The following DENND1A variants were observed in gnomAD, a reference collection of about 807,000 sequenced individuals.
The protein encoded by DENND1A is DENN domain-containing protein 1A.
In DENND1A, 51 loss-of-function variants were observed where a neutral mutation model predicts 113.7. The ratio of observed to expected loss-of-function variants is 0.45; its 90% confidence interval spans 0.36 to 0.57. The LOEUF (loss-of-function observed/expected upper bound fraction) is 0.57. Among genes scored for constraint, DENND1A ranks in the 20% least tolerant of loss-of-function variants. The pLI is 0.00. For missense variants in DENND1A, 1,258 were observed against 1,395.9 expected (o/e 0.90, Z 1.57); for synonymous variants, 565 against 570.8 (o/e 0.99, Z 0.14).
intron 21 of DENND1A, among the ~76,000 whole-genome samples, 171 bp from the exon 22 acceptor site, chr9:123,388,029 C>G (rs560200059): frequency 1.1e-4 from 16 of 152,328 alleles, no homozygotes; most frequent in African/African-American, 3.8e-4. Flanking sequence ...AGAAAAGAAA[C>G]TAAATTTGCC....
intron 8 of DENND1A, among the ~76,000 whole-genome samples, chr9:123,666,702 T>A (rs1413006926): frequency 6.6e-6 from 1 of 152,168 alleles, no homozygotes; most frequent in African/African-American, 2.4e-5. Context: ...GGAAAAGATG[T>A]TTTTATAATA....
At chr9:123,862,261 C>T (rs189326529) in intron 2 of DENND1A, among the ~76,000 whole-genome samples, 3 of 152,206 alleles carry the variant, frequency 2.0e-5, no homozygotes, top group Non-Finnish European at 2.9e-5. Flanking sequence ...TTAGCAGGAA[C>T]ATTTTATGTT....
chr9:123,602,067 C>T (rs2059954979), intron 11 of DENND1A, among the ~76,000 whole-genome samples: 1 of 152,198 alleles, frequency 6.6e-6, no homozygotes, highest in Non-Finnish European at 1.5e-5. Context: ...CAGCTGAAGG[C>T]CTGGGTACAA....
At chr9:123,784,601 A>G (rs963847738) in intron 3 of DENND1A, among the ~76,000 whole-genome samples, 2 of 152,214 alleles carry the variant, frequency 1.3e-5, no homozygotes, top group African/African-American at 4.8e-5. Context: ...AAACAAGACC[A>G]TCCAATAGTA....
At position 123,750,994 on chromosome 9, in the gene DENND1A, C is replaced by A. The variant is rs772403973; in HGVS notation, c.302+6709G>T. The stretch of plus-strand genomic sequence containing the variant: ...AGCCTTCCTCCCCGACTCCCTCCCC[C>A]ACCTCCCAAACACTTATTTTAAACT... On this transcript the variant is annotated intron_variant, in intron 5 of 23. Coordinates refer to ENST00000394215, the MANE Select transcript of DENND1A (RefSeq NM_001352964.2). 5.3e-5 allele frequency among the ~76,000 whole-genome samples: 8 copies of A among 152,290 alleles called. No individual in the cohort carries two copies. The South Asian group carries it at 1.4e-3, about 28-fold the overall frequency.
At chr9:123,384,061 G>A in intron 22 of DENND1A, 148 bp from the exon 23 acceptor site, 4 of 1,097,042 alleles carry the variant, frequency 3.6e-6, no homozygotes, top group Non-Finnish European at 5.1e-6. Context: ...GTGAGGGCAG[G>A]AGTCTGGGAG....
chr9:123,613,738 A>T (rs892832632), intron 10 of DENND1A, among the ~76,000 whole-genome samples: 2 of 152,234 alleles, frequency 1.3e-5, no homozygotes, highest in African/African-American at 4.8e-5. Flanking sequence ...TTATAACCAA[A>T]CTTATGCATA....
At chr9:123,851,137 C>A (rs992664725) in intron 2 of DENND1A, among the ~76,000 whole-genome samples, 2 of 152,182 alleles carry the variant, frequency 1.3e-5, no homozygotes, top group Non-Finnish European at 2.9e-5. Context: ...AATCAATCAA[C>A]CCCAAAAGTT....
chr9:123,575,066 G>A (rs146584830), intron 12 of DENND1A, among the ~76,000 whole-genome samples: 40 of 152,308 alleles, frequency 2.6e-4, no homozygotes, highest in African/African-American at 7.5e-4. Flanking sequence ...ATGCTGGTCA[G>A]ATATTTTGTA....
At chr9:123,649,642 G>A (rs145103747) in intron 9 of DENND1A, among the ~76,000 whole-genome samples, 411 of 152,098 alleles carry the variant, frequency 2.7e-3, no homozygotes, top group Middle Eastern at 0.01. Flanking sequence ...ATATTTCTTC[G>A]GGAGTCAACT....
In DENND1A at chr9:123,557,654, G is replaced by A. The variant is rs747041692; in HGVS notation, c.909C>T (p.Thr303=). The A allele has an allele frequency of 6.2e-7, 1 of 1,614,100 alleles. No homozygotes were observed. The highest frequency in any genetic ancestry group is 1.1e-5 in the South Asian group (1 of 91,048). The change falls in exon 13 of 24, where the codon ACC becomes ACT. Residue 303 remains threonine, a synonymous_variant. Coordinates refer to ENST00000394215, the MANE Select transcript of DENND1A (RefSeq NM_001352964.2). ...ACGCTCTGGCCACACCATCCCCAGT[G>A]GTTGTGGAGACCTTTTTCAGCCTGT... ...LKNRLKKVST[T]TGDGVARAFL...
At chr9:123,657,715 T>C (rs887485555) in intron 8 of DENND1A, among the ~76,000 whole-genome samples, 4 of 152,172 alleles carry the variant, frequency 2.6e-5, no homozygotes, top group South Asian at 2.1e-4. Context: ...ATAACTCCTA[T>C]TCAAATTATT....
chr9:123,830,873 G>GAA (rs71390447), intron 2 of DENND1A, among the ~76,000 whole-genome samples: 11 of 39,316 alleles, frequency 2.8e-4, no homozygotes, highest in East Asian at 9.1e-4. Context: ...TCTCAAAAAT[G>GAA]AAAAAAAAAA....
At chr9:123,672,699 G>A (rs931670269) in intron 6 of DENND1A, among the ~76,000 whole-genome samples, 8 of 152,182 alleles carry the variant, frequency 5.3e-5, no homozygotes, top group African/African-American at 1.9e-4. Context: ...CTCTTGTCTT[G>A]AGTACCGCAT....
rs571614348 is a variant in DENND1A, at chr9:123,463,316, A to C, written c.994-5419T>G. On this transcript the variant is annotated intron_variant, in intron 13 of 23. Coordinates refer to ENST00000394215, the MANE Select transcript of DENND1A (RefSeq NM_001352964.2). ...TTCTTGACATATGGAATCCATCGGA[A>C]ACACTATCATTAATAAGTTGAATCC... Among the ~76,000 whole-genome samples the C allele has an allele frequency of 3.3e-5, 5 of 152,378 alleles. No individual in the cohort carries two copies. In the South Asian group the frequency reaches 1.0e-3, roughly 32 times the overall value.
At chr9:123,919,626 A>G (rs1374376173) in intron 1 of DENND1A, among the ~76,000 whole-genome samples, 1 of 152,084 alleles carries the variant, frequency 6.6e-6, no homozygotes, top group Non-Finnish European at 1.5e-5. Flanking sequence ...TCACACCTGT[A>G]ATCCCAGCAC....
At chr9:123,629,995 G>A (rs553076171) in intron 10 of DENND1A, among the ~76,000 whole-genome samples, 2 of 152,152 alleles carry the variant, frequency 1.3e-5, no homozygotes, top group Admixed American at 6.5e-5. Flanking sequence ...TGAAAGGGCC[G>A]TGCAATCAGG....
At chr9:123,616,783 T>G (rs1427275708) in intron 10 of DENND1A, among the ~76,000 whole-genome samples, 1 of 152,182 alleles carries the variant, frequency 6.6e-6, no homozygotes, top group Non-Finnish European at 1.5e-5. Context: ...GAAAAGTGTT[T>G]TCCACAGGCC....
rs1030213396 is a variant in DENND1A, at chr9:123,773,044, CCAGA to C, written c.133-3485_133-3482del. On this transcript the variant is annotated intron_variant, in intron 3 of 23. Coordinates refer to ENST00000394215, the MANE Select transcript of DENND1A (RefSeq NM_001352964.2). ...TACAGCATTCAACCCCTTTGTGTCACCAGACAATTTATGAAATAGGCAATTTCCA... is the reference window on the plus strand; with the variant it reads ...TACAGCATTCAACCCCTTTGTGTCACCAATTTATGAAATAGGCAATTTCCA... Among the ~76,000 whole-genome samples the C allele has an allele frequency of 7.3e-4, 111 of 152,182 alleles. 4 individuals carry two copies. The highest frequency in any genetic ancestry group is 6.7e-3 in the Admixed American group (103 of 15,286).
Sources: gnomAD v4.1 joint callset for allele counts (sites outside exome capture counted in the v4.1 genomes callset) on GRCh38, gnomAD v4.1.1 for gene constraint, MANE v1.5 for transcripts, NCBI Gene and HGNC (gene_info 2026-07-23, HGNC 2026-07-21) for gene names.